The following FCAR variants were observed in gnomAD, a reference collection of about 807,000 sequenced individuals.
The protein encoded by FCAR is Fc alpha receptor.
Under a neutral mutation model 27.1 loss-of-function variants are expected in FCAR, and 21 were observed. The observed-to-expected ratio is 0.77, with a 90% CI of 0.55 to 1.11. The LOEUF is 1.11. Ranked by LOEUF, FCAR falls within the 50% of genes most tolerant of loss-of-function variation. The pLI is 0.00. For missense variants in FCAR, 404 were observed against 358.4 expected (o/e 1.13, Z -1.03); for synonymous variants, 134 against 135.8 (o/e 0.99, Z 0.09).
chr19:54,880,670 C>CTAA (rs2066359360), intron 2 of FCAR, among the ~76,000 whole-genome samples: 1 of 152,140 alleles, frequency 6.6e-6, no homozygotes, highest in Non-Finnish European at 1.5e-5. Context: ...TCCATGTGGG[C>CTAA]TAATGTTCCT....
chr19:54,883,479 G>C (rs587671496), intron 2 of FCAR, among the ~76,000 whole-genome samples: 23 of 152,200 alleles, frequency 1.5e-4, no homozygotes, highest in Non-Finnish European at 2.9e-4. Flanking sequence ...ATCCTTCCCC[G>C]GCCAGCCCTA....
At chr19:54,875,040 G>A (rs1475520510) in intron 1 of FCAR, among the ~76,000 whole-genome samples, 1 of 151,912 alleles carries the variant, frequency 6.6e-6, no homozygotes, top group Admixed American at 6.6e-5. Flanking sequence ...GCGTGGTGGC[G>A]GGCGCCTGTA....
Position 54,889,814 on chromosome 19 carries a change from T to C in FCAR, c.815T>C (p.Met272Thr), listed in dbSNP as rs767318512. 8.7e-6 allele frequency: 14 copies of C among 1,610,816 alleles called. No individual in the cohort carries two copies. The Admixed American group carries it at 1.5e-4, about 17-fold the overall frequency. The change falls in exon 5 of 5, where the codon ATG becomes ACG. Residue 272 changes from methionine to threonine, a missense_variant. Met to Thr is a moderately conservative substitution (Grantham distance 81, BLOSUM62 -1). Coordinates refer to ENST00000355524, the MANE Select transcript of FCAR (RefSeq NM_002000.4). ...GCTGAACCGAGCTGGAGCCAACAGA[T>C]GTGTCAGCCAGGATTGACCTTTGCA... Reference protein sequence around the residue: ...DVAEPSWSQQMCQPGLTFART... With the variant: ...DVAEPSWSQQTCQPGLTFART...
Position 54,890,324 on chromosome 19 carries a change from C to T in FCAR, c.*461C>T, listed in dbSNP as rs2067009048. The T allele has an allele frequency of 6.5e-6, 1 of 154,856 alleles. No homozygotes were observed. The highest frequency in any genetic ancestry group is 2.4e-5 in the African/African-American group (1 of 41,534). The allele number at this position is 154,856 out of a possible 1,614,324, so 9.6% of individuals were successfully genotyped here. On this transcript the variant is annotated 3_prime_UTR_variant, in exon 5 of 5. Coordinates refer to ENST00000355524, the MANE Select transcript of FCAR (RefSeq NM_002000.4). ...TGATCGATTTGCACCCACCTTTCTG[C>T]ACATAAGTTATGGTTTTCCATCTTA...
intron 2 of FCAR, among the ~76,000 whole-genome samples, chr19:54,879,809 C>G (rs1043409461): frequency 1.6e-4 from 25 of 151,902 alleles, no homozygotes; most frequent in African/African-American, 6.0e-4. Flanking sequence ...TCAGCCTCCC[C>G]AGTAGCTGGG....
intron 2 of FCAR, 99 bp downstream of exon 2, chr19:54,875,464 A>G (rs8112766): frequency 0.49 from 496,679 of 1,016,086 alleles, 122,948 homozygotes; most frequent in South Asian, 0.59. Flanking sequence ...TCTTATTTTA[A>G]TCCCCATTCT....
chr19:54,881,194 G>A (rs898816661), intron 2 of FCAR, among the ~76,000 whole-genome samples: 2 of 152,180 alleles, frequency 1.3e-5, no homozygotes, highest in South Asian at 2.1e-4. Flanking sequence ...AGAGTGAGGC[G>A]ACTGCACTGT....
chr19:54,887,137 C>A (rs1157584687), intron 3 of FCAR, among the ~76,000 whole-genome samples: 1 of 151,878 alleles, frequency 6.6e-6, no homozygotes, highest in African/African-American at 2.4e-5. Context: ...TAGTAAGACC[C>A]CATCTGTACA....
At position 54,889,751 on chromosome 19, in the gene FCAR, G is replaced by A. The variant is rs757055373; in HGVS notation, c.752G>A (p.Ser251Asn). 6.2e-6 allele frequency: 10 copies of A among 1,614,058 alleles called. 1 individual carries two copies. The South Asian group carries it at 7.7e-5, about 12-fold the overall frequency. The change falls in exon 5 of 5, where the codon AGC becomes AAC. Residue 251 changes from serine to asparagine, a missense_variant. Coordinates refer to ENST00000355524, the MANE Select transcript of FCAR (RefSeq NM_002000.4). ...LLAILVENWH[S>N]HTALNKEASA... ...GCCATACTGGTTGAAAATTGGCACA[G>A]CCATACGGCACTGAACAAGGAAGCC...
chr19:54,888,316 C>G (rs2066875892), intron 4 of FCAR, 22 bp downstream of exon 4: 1 of 1,612,364 alleles, frequency 6.2e-7, no homozygotes, highest in Admixed American at 1.7e-5. Flanking sequence ...CCAGTCCAGC[C>G]CTGTGTCTGG....
Position 54,888,181 on chromosome 19 carries a change from C to G in FCAR, c.536C>G (p.Ser179Cys). 1 of 1,614,192 alleles carries G rather than the reference C, an allele frequency of 6.2e-7. No individual in the cohort carries two copies. The highest frequency in any genetic ancestry group is 8.5e-7 in the Non-Finnish European group (1 of 1,180,022). ...AGTGGGGAACACCCGGCCAACTTCTCTTTGGGTCCTGTGGACCTCAATGTC... is the reference window on the plus strand; with the variant it reads ...AGTGGGGAACACCCGGCCAACTTCTGTTTGGGTCCTGTGGACCTCAATGTC... The part of the protein sequence containing the change: ...HQSGEHPANF[S>C]LGPVDLNVSG... The change falls in exon 4 of 5, where the codon TCT becomes TGT. Residue 179 changes from serine to cysteine, a missense_variant. By Grantham distance (112) the Ser-to-Cys change is moderately radical. Transcript: ENST00000355524.
intron 3 of FCAR, among the ~76,000 whole-genome samples, chr19:54,887,077 AAG>A: frequency 7.3e-6 from 1 of 137,696 alleles, no homozygotes; most frequent in South Asian, 2.4e-4. Context: ...GCACTTTGAG[AAG>A]CCGAGATGGG....
intron 2 of FCAR, among the ~76,000 whole-genome samples, chr19:54,882,696 C>T (rs1407828512): frequency 6.6e-6 from 1 of 152,116 alleles, no homozygotes; most frequent in Non-Finnish European, 1.5e-5. Context: ...ACTTCAGCCT[C>T]CCAAAGTGCT....
Position 54,875,458 on chromosome 19 carries a change from A to G in FCAR, c.70+93A>G. The stretch of plus-strand genomic sequence containing the variant: ...AAGAATAGCCTGAAGCACCATTCTT[A>G]TTTTAATCCCCATTCTAGTTGTTTC... On this transcript the variant is annotated intron_variant, in intron 2 of 4. Transcript: ENST00000355524. 16 of 1,052,998 alleles carry G rather than the reference A, an allele frequency of 1.5e-5. 1 individual carries two copies. The South Asian group carries it at 2.1e-4, about 14-fold the overall frequency. 65.2% of individuals were successfully genotyped at this position (1,052,998 alleles called of 1,614,324 possible). A position where few individuals can be genotyped will look rare whatever the true frequency, so the allele number is the denominator to read the frequency against.
In FCAR at chr19:54,889,246, G is replaced by A. The variant is rs587600405; in HGVS notation, c.650-403G>A. On this transcript the variant is annotated intron_variant, in intron 4 of 4. Coordinates refer to ENST00000355524, the MANE Select transcript of FCAR (RefSeq NM_002000.4). ...TTAACCAGGCGTGGTGGTGGTGGGC[G>A]CCTGTAATCCCAGCTACTTGGGAGG... 1.3e-4 allele frequency among the ~76,000 whole-genome samples: 19 copies of A among 150,762 alleles called. No individual in the cohort carries two copies. The South Asian group carries it at 2.1e-3, about 17-fold the overall frequency.
At chr19:54,885,156 T>A in intron 2 of FCAR, 79 bp from the exon 3 acceptor site, 1 of 1,296,132 alleles carries the variant, frequency 7.7e-7, no homozygotes, top group African/African-American at 1.5e-5. Flanking sequence ...CCTAATGTAT[T>A]TTTACTTCTC....
chr19:54,879,140 G>A (rs1254624705), intron 2 of FCAR, among the ~76,000 whole-genome samples: 1 of 151,890 alleles, frequency 6.6e-6, no homozygotes, highest in East Asian at 1.9e-4. Flanking sequence ...GCCTCCCAAA[G>A]TGCCAGGGTT....
intron 2 of FCAR, among the ~76,000 whole-genome samples, chr19:54,876,808 C>T (rs80237075): frequency 0.24 from 36,255 of 151,978 alleles, 4,777 homozygotes; most frequent in South Asian, 0.37. Context: ...GTAGTCCCAG[C>T]TGCTCGGGAG....
rs1405393850 is a variant in FCAR, at chr19:54,885,274, C to A, written c.110C>A (p.Pro37His). The change falls in exon 3 of 5, where the codon CCT becomes CAT. Residue 37 changes from proline (P) to histidine (H), a missense_variant. By Grantham distance (77) the Pro-to-His change is moderately conservative. Transcript: ENST00000355524. ...CCTTTCATATCTGCCAAATCGAGTC[C>A]TGTGATTCCCTTGGATGGATCTGTG... ...PMPFISAKSS[P>H]VIPLDGSVKI... The A allele has an allele frequency of 6.2e-7, 1 of 1,613,750 alleles. No homozygotes were observed. Among genetic ancestry groups the A allele is most frequent in the Non-Finnish European group, 8.5e-7 (1 of 1,179,896 alleles).
Sources: allele counts gnomAD v4.1 joint callset (sites outside exome capture counted in the v4.1 genomes callset), GRCh38; gene constraint gnomAD v4.1.1; transcripts MANE v1.5; gene names NCBI Gene and HGNC (gene_info 2026-07-23, HGNC 2026-07-21).